NXPE2: variants seen among roughly 807,000 people sequenced by gnomAD.
NXPE2 encodes NXPE family member 2.
In NXPE2, 34 loss-of-function variants were observed where a neutral mutation model predicts 34.4. The ratio of observed to expected loss-of-function variants is 0.99; its 90% confidence interval spans 0.75 to 1.31. The LOEUF is 1.31. Among genes scored for constraint, NXPE2 ranks in the 40% most tolerant of loss-of-function variants. NXPE2 has a pLI of 0.00. For missense variants in NXPE2, 649 were observed against 672.5 expected (o/e 0.97, Z 0.39); for synonymous variants, 235 against 231.3 (o/e 1.02, Z -0.15).
At chr11:114,621,537 A>G in the NXPE2 span, among the ~76,000 whole-genome samples, 4 of 151,880 alleles carry the variant, frequency 2.6e-5, no homozygotes, top group South Asian at 4.2e-4. Flanking sequence ...ACTGTTAAAC[A>G]GTGGATAATA....
chr11:114,617,793 C>T, the NXPE2 span, among the ~76,000 whole-genome samples: 28 of 152,142 alleles, frequency 1.8e-4, no homozygotes, highest in African/African-American at 5.5e-4. Context: ...TGGGTAAGCA[C>T]GGTTACCCGA....
At chr11:114,627,880 A>G in the NXPE2 span, among the ~76,000 whole-genome samples, 20 of 151,686 alleles carry the variant, frequency 1.3e-4, no homozygotes, top group African/African-American at 4.9e-4. Context: ...CTAGTCTCTG[A>G]TAAAACAGAC....
At chr11:114,636,846 GT>G in the NXPE2 span, among the ~76,000 whole-genome samples, 5 of 152,160 alleles carry the variant, frequency 3.3e-5, no homozygotes, top group African/African-American at 9.6e-5. Flanking sequence ...TATAATTTCT[GT>G]TCTTTTACAT....
At chr11:114,537,084 G>T in the NXPE2 span, among the ~76,000 whole-genome samples, 590 of 152,310 alleles carry the variant, frequency 3.9e-3, 5 homozygotes, top group African/African-American at 0.013. Flanking sequence ...TATCCACCGT[G>T]ATCAAATGGT....
the NXPE2 span, among the ~76,000 whole-genome samples, chr11:114,624,434 T>A: frequency 6.6e-6 from 1 of 151,232 alleles, no homozygotes; most frequent in African/African-American, 2.4e-5. Context: ...TGGATAATAA[T>A]TATTGCCTCA....
intron 3 of NXPE2, among the ~76,000 whole-genome samples, chr11:114,703,277 G>T (rs748937086): frequency 7.9e-5 from 12 of 152,142 alleles, no homozygotes; most frequent in Non-Finnish European, 1.8e-4. Context: ...TTACATAGGG[G>T]AATAAAACAG....
At chr11:114,625,596 T>G in the NXPE2 span, among the ~76,000 whole-genome samples, 4 of 152,044 alleles carry the variant, frequency 2.6e-5, no homozygotes, top group African/African-American at 9.7e-5. Flanking sequence ...CACTGTTATC[T>G]GGTGGATAAT....
chr11:114,781,681 G>A, the NXPE2 span, among the ~76,000 whole-genome samples: 1 of 152,114 alleles, frequency 6.6e-6, no homozygotes, highest in Non-Finnish European at 1.5e-5. Context: ...TGCCAGTCTA[G>A]GGGGGCCATG....
chr11:114,785,873 G>C, the NXPE2 span, among the ~76,000 whole-genome samples: 571 of 152,256 alleles, frequency 3.8e-3, 9 homozygotes, highest in African/African-American at 0.013. Flanking sequence ...CACTTCCCAG[G>C]TGAGGTGAAT....
chr11:114,785,853 G>A, the NXPE2 span, among the ~76,000 whole-genome samples: 1 of 152,094 alleles, frequency 6.6e-6, no homozygotes, highest in African/African-American at 2.4e-5. Flanking sequence ...GCACCATAAA[G>A]CAATTATTGC....
At chr11:114,753,439 G>C in the NXPE2 span, among the ~76,000 whole-genome samples, 1 of 152,126 alleles carries the variant, frequency 6.6e-6, no homozygotes, top group African/African-American at 2.4e-5. Flanking sequence ...AATCAGCATA[G>C]TAAAATATTA....
the NXPE2 span, among the ~76,000 whole-genome samples, chr11:114,534,801 C>G: frequency 1.3e-5 from 2 of 152,272 alleles, no homozygotes; most frequent in East Asian, 3.9e-4. Flanking sequence ...AAATCTACGT[C>G]TAATTGGTGT....
the NXPE2 span, among the ~76,000 whole-genome samples, chr11:114,733,067 T>C: frequency 1.4e-4 from 22 of 152,178 alleles, no homozygotes; most frequent in African/African-American, 5.3e-4. Context: ...TCTTTTTTTG[T>C]AATGAATTTC....
the NXPE2 span, among the ~76,000 whole-genome samples, chr11:114,641,447 T>C: frequency 6.6e-6 from 1 of 151,998 alleles, no homozygotes; most frequent in Non-Finnish European, 1.5e-5. Flanking sequence ...AATTGCAAAA[T>C]ATTTGACAAT....
chr11:114,634,775 G>C, the NXPE2 span, among the ~76,000 whole-genome samples: 1 of 152,068 alleles, frequency 6.6e-6, no homozygotes, highest in African/African-American at 2.4e-5. Flanking sequence ...GATAGTTGTA[G>C]ATATGTGGCA....
the NXPE2 span, among the ~76,000 whole-genome samples, chr11:114,759,401 C>A: frequency 6.6e-6 from 1 of 152,138 alleles, no homozygotes; most frequent in Non-Finnish European, 1.5e-5. Flanking sequence ...ATATTCACCT[C>A]TGGGGTGTTG....
At chr11:114,615,617 G>T in the NXPE2 span, among the ~76,000 whole-genome samples, 392 of 144,678 alleles carry the variant, frequency 2.7e-3, 16 homozygotes, top group African/African-American at 9.9e-3. Context: ...GTAACCACTG[G>T]TACCTGGTGG....
At chr11:114,532,596 T>G in the NXPE2 span, among the ~76,000 whole-genome samples, 1 of 152,126 alleles carries the variant, frequency 6.6e-6, no homozygotes, top group South Asian at 2.1e-4. Context: ...ACAAACCAAT[T>G]AATTTTATAA....
chr11:114,655,820 A>G, the NXPE2 span, among the ~76,000 whole-genome samples: 2 of 152,214 alleles, frequency 1.3e-5, no homozygotes, highest in African/African-American at 2.4e-5. Flanking sequence ...AGAGCGATTT[A>G]TGACAAACCC....
Sources: gnomAD v4.1 joint callset for allele counts (sites outside exome capture counted in the v4.1 genomes callset) on GRCh38, gnomAD v4.1.1 for gene constraint, MANE v1.5 for transcripts, NCBI Gene and HGNC (gene_info 2026-07-23, HGNC 2026-07-21) for gene names.